The following FRMD6 variants were observed in gnomAD, a reference collection of about 807,000 sequenced individuals.
FRMD6 encodes FERM domain containing 6.
FRMD6 carries 37 observed loss-of-function variants against 73.2 expected under a neutral mutation model. The ratio of observed to expected loss-of-function variants is 0.51; its 90% confidence interval spans 0.39 to 0.66. The LOEUF is 0.66. Among genes scored for constraint, FRMD6 ranks in the 30% least tolerant of loss-of-function variants. FRMD6 has a pLI of 0.00. For synonymous variants in FRMD6, 273 were observed against 282.2 expected (o/e 0.97, Z 0.33); for missense variants, 714 against 780.5 (o/e 0.91, Z 1.02).
chr14:51,723,030 C>G (rs968566208), intron 12 of FRMD6, among the ~76,000 whole-genome samples: 2 of 152,174 alleles, frequency 1.3e-5, no homozygotes, highest in African/African-American at 4.8e-5. Context: ...GTTCGCTAAC[C>G]CAACAGAACC....
At chr14:51,483,478 G>C in the FRMD6 span, among the ~76,000 whole-genome samples, 2 of 152,210 alleles carry the variant, frequency 1.3e-5, no homozygotes, top group African/African-American at 2.4e-5. Context: ...AAGCCCTGGA[G>C]GAAGGGCATT....
intron 9 of FRMD6, among the ~76,000 whole-genome samples, chr14:51,712,876 G>A (rs150658531): frequency 5.3e-5 from 8 of 152,262 alleles, no homozygotes; most frequent in South Asian, 2.1e-4. Context: ...GGTATTTCGC[G>A]TAGAGGTTAG....
At chr14:51,429,831 G>T in the FRMD6 span, among the ~76,000 whole-genome samples, 1 of 152,170 alleles carries the variant, frequency 6.6e-6, no homozygotes, top group Non-Finnish European at 1.5e-5. Context: ...ACATTGTAAG[G>T]ATGTTGAATA....
At chr14:51,530,355 A>G (rs1045560261) in intron 1 of FRMD6, among the ~76,000 whole-genome samples, 2 of 152,198 alleles carry the variant, frequency 1.3e-5, no homozygotes, top group African/African-American at 4.8e-5. Flanking sequence ...CACAAATCAG[A>G]GTTAGATTTA....
At chr14:51,467,327 CT>C in the FRMD6 span, among the ~76,000 whole-genome samples, 1 of 152,248 alleles carries the variant, frequency 6.6e-6, no homozygotes, top group Non-Finnish European at 1.5e-5. Flanking sequence ...AAGAATTTTT[CT>C]TATTACGGAA....
chr14:51,639,335 T>C (rs1314169435), intron 2 of FRMD6, among the ~76,000 whole-genome samples: 1 of 151,778 alleles, frequency 6.6e-6, no homozygotes, highest in East Asian at 1.9e-4. Context: ...ATCGGGAGGC[T>C]GAGGCAGGAG....
chr14:51,443,262 C>T, the FRMD6 span, among the ~76,000 whole-genome samples: 2 of 152,174 alleles, frequency 1.3e-5, no homozygotes, highest in African/African-American at 2.4e-5. Context: ...TCATCATGGG[C>T]AAGTCTGCTA....
At chr14:51,550,758 CTG>C (rs1166724480) in intron 1 of FRMD6, among the ~76,000 whole-genome samples, 6 of 152,182 alleles carry the variant, frequency 3.9e-5, no homozygotes, top group Non-Finnish European at 8.8e-5. Context: ...TTCATCATGT[CTG>C]TGAAATACAT....
At chr14:51,661,377 T>C (rs530123231) in intron 1 of FRMD6, among the ~76,000 whole-genome samples, 2 of 152,282 alleles carry the variant, frequency 1.3e-5, no homozygotes, top group South Asian at 4.1e-4. Context: ...GTGAACCCAA[T>C]TAAGTGTCTC....
rs144611210 is a variant in FRMD6 at position 51,621,797 on chromosome 14, A to C, written c.-147+51387A>C. On this transcript the variant is annotated intron_variant, in intron 2 of 14. Coordinates refer to the FRMD6 transcript ENST00000356218. ...TACCCCTACTTTAAGATTGAGAAAC[A>C]GATTCTACCAGACCCAGCTGGGTCA... is the stretch of plus-strand genomic sequence containing the variant. Among the ~76,000 whole-genome samples, 596 of 151,770 alleles carry C rather than the reference A, an allele frequency of 3.9e-3. 8 individuals are homozygous for C. Among genetic ancestry groups the C allele is most frequent in the African/African-American group, 0.014 (573 of 41,026 alleles).
chr14:51,587,277 C>G (rs1268638015), intron 2 of FRMD6, among the ~76,000 whole-genome samples: 1 of 152,116 alleles, frequency 6.6e-6, no homozygotes, highest in East Asian at 1.9e-4. Flanking sequence ...ATACCTGCAG[C>G]TAAATTTTAG....
the FRMD6 span, among the ~76,000 whole-genome samples, chr14:51,471,500 C>CG: frequency 8.3e-6 from 1 of 120,148 alleles, no homozygotes; most frequent in Non-Finnish European, 1.7e-5. Flanking sequence ...GACTCCGTCT[C>CG]GAAAAAAAAA....
intron 1 of FRMD6, among the ~76,000 whole-genome samples, chr14:51,548,226 A>G (rs745366671): frequency 2.0e-5 from 3 of 152,234 alleles, no homozygotes; most frequent in African/African-American, 4.8e-5. Flanking sequence ...AGAAAAATTT[A>G]AAAGAGGCAT....
intron 1 of FRMD6, among the ~76,000 whole-genome samples, chr14:51,548,645 TGTG>T (rs938576088): frequency 6.6e-6 from 1 of 152,090 alleles, no homozygotes; most frequent in Admixed American, 6.5e-5. Context: ...GAAGGGGAAA[TGTG>T]GGGGAAACGG....
At chr14:51,416,781 G>A in the FRMD6 span, among the ~76,000 whole-genome samples, 1 of 152,054 alleles carries the variant, frequency 6.6e-6, no homozygotes, top group Non-Finnish European at 1.5e-5. Context: ...TTATAGTGTG[G>A]GAGTCTAAGT....
chr14:51,640,174 G>A (rs1344646051), intron 2 of FRMD6, among the ~76,000 whole-genome samples: 1 of 152,154 alleles, frequency 6.6e-6, no homozygotes, highest in Non-Finnish European at 1.5e-5. Flanking sequence ...TAGATGCACT[G>A]ACGTCAATGT....
In FRMD6 at chr14:51,639,359, C is replaced by A. The variant is rs191612026; in HGVS notation, c.-146-50332C>A. 9.1e-3 allele frequency among the ~76,000 whole-genome samples: 1,380 copies of A among 151,864 alleles called. 7 individuals carry two copies. Among genetic ancestry groups the A allele is most frequent in the Middle Eastern group, 0.024 (7 of 294 alleles). On this transcript the variant is annotated intron_variant, in intron 2 of 14. Coordinates refer to the FRMD6 transcript ENST00000356218. ...CTGAGGCAGGAGAATGGCGTGAACCCGGTAGGCGGAGCTTGCAGCGAGCTG... is the reference window on the plus strand; with the variant it reads ...CTGAGGCAGGAGAATGGCGTGAACCAGGTAGGCGGAGCTTGCAGCGAGCTG...
At chr14:51,550,720 A>C (rs1360960699) in intron 1 of FRMD6, among the ~76,000 whole-genome samples, 1 of 152,028 alleles carries the variant, frequency 6.6e-6, no homozygotes, top group African/African-American at 2.4e-5. Flanking sequence ...TAACTCTCCT[A>C]CTCACTACTT....
chr14:51,629,171 G>A (rs940985663), intron 2 of FRMD6, among the ~76,000 whole-genome samples: 5 of 152,132 alleles, frequency 3.3e-5, no homozygotes, highest in Non-Finnish European at 7.4e-5. Flanking sequence ...GAGCCACCGC[G>A]CCCAGCCACA....
Sources: gnomAD v4.1 joint callset for allele counts (sites outside exome capture counted in the v4.1 genomes callset) on GRCh38, gnomAD v4.1.1 for gene constraint, MANE v1.5 for transcripts, NCBI Gene and HGNC (gene_info 2026-07-23, HGNC 2026-07-21) for gene names.